Variants in EIF5B observed in about 807,000 individuals in gnomAD.
EIF5B encodes eukaryotic translation initiation factor 5B, also known as eIF-5B.
In EIF5B, 47 loss-of-function variants were observed where a neutral mutation model predicts 147.5. The ratio of observed to expected loss-of-function variants is 0.32; its 90% CI spans 0.25 to 0.41. The LOEUF (loss-of-function observed/expected upper bound fraction) is 0.41, where lower values mean the gene tolerates loss of function less well. EIF5B is among the 10% of genes least tolerant of loss of function. EIF5B has a pLI of 1.00. For synonymous variants in EIF5B, 455 were observed against 456.2 expected, an observed-to-expected ratio of 1.00 and a Z score of 0.03; for missense variants, 1,064 against 1,413.2, an observed-to-expected ratio of 0.75 and a Z score of 3.96.
chr2:99,355,026 A>C (rs1369940201), intron 1 of EIF5B, among the ~76,000 whole-genome samples: 2 of 151,424 alleles, frequency 1.3e-5, no homozygotes, highest in East Asian at 1.9e-4. Flanking sequence ...CCAGTCTTGA[A>C]CTCTGACCTC....
rs1675310382 is a variant in EIF5B at position 99,401,031 on chromosome 2, A to T, written c.*1617A>T. On this transcript the variant is annotated 3_prime_UTR_variant, in exon 24 of 24. Coordinates refer to ENST00000289371, the MANE Select transcript of EIF5B (RefSeq NM_015904.4). ...CTTTATAAACAAACATTTTGTAAAT[A>T]GAATCTATGCTACAGTAAAATAATT... 1 of 354,550 alleles carries T rather than the reference A, an allele frequency of 2.8e-6. No homozygotes were observed. Among genetic ancestry groups the T allele is most frequent in the African/African-American group, 2.1e-5 (1 of 48,630 alleles). 22.0% of individuals were successfully genotyped at this position (354,550 alleles called of 1,614,324 possible).
At chr2:99,356,880 A>G (rs1318028961) in intron 1 of EIF5B, among the ~76,000 whole-genome samples, 1 of 152,058 alleles carries the variant, frequency 6.6e-6, no homozygotes, top group Non-Finnish European at 1.5e-5. Context: ...GATGATGAAC[A>G]TTTTTCATCT....
intron 1 of EIF5B, among the ~76,000 whole-genome samples, chr2:99,348,614 A>G (rs1559244022): frequency 6.6e-6 from 1 of 152,106 alleles, no homozygotes; most frequent in Non-Finnish European, 1.5e-5. Flanking sequence ...AAGAATAAAG[A>G]GAAGGATTCC....
At chr2:99,356,587 C>T (rs1674100644) in intron 1 of EIF5B, among the ~76,000 whole-genome samples, 1 of 152,154 alleles carries the variant, frequency 6.6e-6, no homozygotes, top group South Asian at 2.1e-4. Context: ...TCAGTTGGCT[C>T]ATGTGTCCCT....
intron 1 of EIF5B, among the ~76,000 whole-genome samples, chr2:99,354,796 CTTTTTTTTTTTTTTT>C (rs57735386): frequency 3.7e-5 from 3 of 80,034 alleles, no homozygotes; most frequent in African/African-American, 1.7e-4. Context: ...ATTGGTTGTA[CTTTTTTTTTTTTTTT>C]TTTTTTTTTG....
Position 99,398,762 on chromosome 2 carries a change from A to C in EIF5B, c.3408A>C (p.Gly1136=). Residue 1136 remains glycine, a synonymous_variant, in exon 23 of 24, where the codon GGA becomes GGC. Transcript: ENST00000289371. The part of the protein sequence containing the change: ...CVPSKNFVDI[G]IVTSIEINHK... ...TTATTTTATAGTTTGTTGACATCGG[A>C]ATAGTAACAAGTATTGAAATAAACC... is the stretch of plus-strand genomic sequence containing the variant. 1 of 1,611,472 alleles carries C rather than the reference A, an allele frequency of 6.2e-7. No homozygotes were observed. The highest frequency in any genetic ancestry group is 8.5e-7 in the Non-Finnish European group (1 of 1,179,248).
chr2:99,340,376 C>T (rs961373891), intron 1 of EIF5B, among the ~76,000 whole-genome samples: 1 of 152,140 alleles, frequency 6.6e-6, no homozygotes, highest in Non-Finnish European at 1.5e-5. Context: ...GATAGAGATC[C>T]GGTTTTATTC....
At chr2:99,342,536 A>G (rs892456789) in intron 1 of EIF5B, among the ~76,000 whole-genome samples, 4 of 152,162 alleles carry the variant, frequency 2.6e-5, no homozygotes, top group Admixed American at 2.6e-4. Context: ...GCTTTTTCCC[A>G]TGTATCACAG....
rs151248741 is a variant in EIF5B, at chr2:99,366,210, C to T, written c.1288+1789C>T. On this transcript the variant is annotated intron_variant, in intron 6 of 23. Coordinates refer to ENST00000289371, the MANE Select transcript of EIF5B (RefSeq NM_015904.4). ...TTGCAAAGTGAATGGAATGTCTAAACACATACAAGTCTTGGTGTTGATTCC... is the reference window on the plus strand; with the variant it reads ...TTGCAAAGTGAATGGAATGTCTAAATACATACAAGTCTTGGTGTTGATTCC... 2.5e-3 allele frequency among the ~76,000 whole-genome samples: 375 copies of T among 152,308 alleles called. 1 individual carries two copies. The highest frequency in any genetic ancestry group is 8.4e-3 in the African/African-American group (349 of 41,564).
At chr2:99,394,960 G>C in intron 21 of EIF5B, 77 bp downstream of exon 21, 1 of 1,331,788 alleles carries the variant, frequency 7.5e-7, no homozygotes, top group Non-Finnish European at 1.0e-6. Flanking sequence ...AGAAAGGGCT[G>C]TAAACAGCAA....
In EIF5B at chr2:99,401,010, AT is replaced by A. The variant is rs1191011547; in HGVS notation, c.*1597del. The stretch of plus-strand genomic sequence containing the variant: ...TCACTGTAAAAATCCATAAAACTTT[AT>A]AAACAAACATTTTGTAAATAGAATC... On this transcript the variant is annotated 3_prime_UTR_variant, in exon 24 of 24. Coordinates refer to ENST00000289371, the MANE Select transcript of EIF5B (RefSeq NM_015904.4). The A allele has an allele frequency of 5.1e-5, 16 of 313,600 alleles. No homozygotes were observed. Among genetic ancestry groups the A allele is most frequent in the Non-Finnish European group, 3.0e-5 (5 of 168,174 alleles). 19.4% of individuals were successfully genotyped at this position (313,600 alleles called of 1,614,324 possible).
intron 10 of EIF5B, among the ~76,000 whole-genome samples, chr2:99,377,105 A>G (rs1180068260): frequency 3.3e-5 from 5 of 152,156 alleles, no homozygotes; most frequent in African/African-American, 1.2e-4. Context: ...TTAATGCAGT[A>G]GATTTCAGTA....
intron 22 of EIF5B, 174 bp downstream of exon 22, chr2:99,397,072 G>A: frequency 3.1e-6 from 2 of 648,816 alleles, no homozygotes; most frequent in South Asian, 3.9e-5. Flanking sequence ...GGAAGAAAAT[G>A]TGGTAACTTT....
intron 22 of EIF5B, chr2:99,398,518 T>C: frequency 2.6e-6 from 1 of 383,548 alleles, no homozygotes; most frequent in Non-Finnish European, 4.7e-6. Flanking sequence ...TGGAATGTTT[T>C]GCAAAGCACA....
At position 99,361,199 on chromosome 2, in the gene EIF5B, G is replaced by T; in HGVS notation, c.298G>T (p.Gly100Ter). ...CACCTCAAAAGATAAAAAAAAGAAA[G>T]GACAGAAGGGCAAAAAACAGAGTTT... is the stretch of plus-strand genomic sequence containing the variant. ...EFTSKDKKKKGQKGKKQSFDD... is the reference protein window; with the variant it reads ...EFTSKDKKKK The change falls in exon 4 of 24, where the codon GGA becomes TGA. Residue 100 changes from glycine (G) to a stop codon, truncating the protein, a stop_gained. Transcript: ENST00000289371. LOFTEE classifies it high-confidence loss of function. 1 of 1,589,626 alleles carries T rather than the reference G, an allele frequency of 6.3e-7. No individual in the cohort carries two copies. The highest frequency in any genetic ancestry group is 8.5e-7 in the Non-Finnish European group (1 of 1,172,184).
rs202156696 is a variant in EIF5B, at chr2:99,396,808, T to A, written c.3303T>A (p.Ile1101=). 1 of 1,613,592 alleles carries A rather than the reference T, an allele frequency of 6.2e-7. No individual in the cohort carries two copies. The highest frequency in any genetic ancestry group is 8.5e-7 in the Non-Finnish European group (1 of 1,179,852). The part of the protein sequence containing the change: ...PCKIKILPQY[I]FNSRDPIVMG... The stretch of plus-strand genomic sequence containing the variant: ...AGATAAAAATCCTCCCTCAGTACAT[T>A]TTTAATTCTCGAGATCCGATAGTGA... Residue 1101 remains isoleucine, a synonymous_variant, in exon 22 of 24, where the codon ATT becomes ATA. Transcript: ENST00000289371.
intron 7 of EIF5B, 32 bp from the exon 8 acceptor site, chr2:99,369,360 A>C: frequency 1.3e-6 from 2 of 1,562,956 alleles, no homozygotes; most frequent in Non-Finnish European, 1.7e-6. Context: ...ACACCAAAAA[A>C]AATATTATCT....
chr2:99,395,364 C>T (rs1377367047), intron 21 of EIF5B, among the ~76,000 whole-genome samples: 2 of 152,324 alleles, frequency 1.3e-5, no homozygotes, highest in South Asian at 2.1e-4. Context: ...GACAGGGTCT[C>T]GTTCTGTCAC....
intron 10 of EIF5B, 52 bp from the exon 11 acceptor site, chr2:99,378,967 G>A (rs1674617998): frequency 9.5e-6 from 13 of 1,366,886 alleles, no homozygotes; most frequent in Non-Finnish European, 1.3e-5. Context: ...TAAGGATAGT[G>A]AGGATTTGAA....
Sources: gnomAD v4.1 joint callset for allele counts (sites outside exome capture counted in the v4.1 genomes callset) on GRCh38, gnomAD v4.1.1 for gene constraint, MANE v1.5 for transcripts, NCBI Gene and HGNC (gene_info 2026-07-23, HGNC 2026-07-21) for gene names.